TLL1: variants seen among roughly 807,000 people sequenced by gnomAD.
TLL1 encodes the protein tolloid-like protein 1.
A neutral mutation model predicts 128.2 loss-of-function variants in TLL1; 49 were observed. The observed-to-expected ratio is 0.38, with a 90% CI of 0.30 to 0.48. The LOEUF (loss-of-function observed/expected upper bound fraction) is 0.48. Ranked by LOEUF, TLL1 falls within the 20% of genes least tolerant of loss-of-function variation. The probability of loss-of-function intolerance (pLI) is 0.96; values close to 1 mark genes in which losing one functional copy is unlikely to be tolerated. For synonymous variants in TLL1, 454 were observed against 418.8 expected (o/e 1.08, Z -1.03); for missense variants, 1,123 against 1,242.0 (o/e 0.90, Z 1.44).
At chr4:166,084,360 C>T (rs1194944385) in intron 18 of TLL1, among the ~76,000 whole-genome samples, 1 of 152,084 alleles carries the variant, frequency 6.6e-6, no homozygotes, top group African/African-American at 2.4e-5. Context: ...TGATTGCTCC[C>T]TTTCCTGTAC....
chr4:166,041,502 T>C (rs2111092114), intron 10 of TLL1, among the ~76,000 whole-genome samples: 1 of 152,152 alleles, frequency 6.6e-6, no homozygotes, highest in Non-Finnish European at 1.5e-5. Context: ...GGTTTCACCA[T>C]ATTGTCCAAG....
intron 12 of TLL1, among the ~76,000 whole-genome samples, chr4:166,051,472 A>T (rs1739733219): frequency 1.3e-5 from 2 of 152,106 alleles, no homozygotes; most frequent in African/African-American, 4.8e-5. Context: ...TTTCAATCAT[A>T]TTTATTTCTA....
intron 1 of TLL1, among the ~76,000 whole-genome samples, chr4:165,930,838 T>C (rs567550920): frequency 6.6e-6 from 1 of 152,328 alleles, no homozygotes; most frequent in African/African-American, 2.4e-5. Context: ...GAAACACTTC[T>C]TGTAATTTAT....
At chr4:165,898,354 T>C (rs1731787108) in intron 1 of TLL1, among the ~76,000 whole-genome samples, 1 of 152,250 alleles carries the variant, frequency 6.6e-6, no homozygotes, top group Admixed American at 6.5e-5. Flanking sequence ...CAGTATGATA[T>C]TGGCTGTGGG....
At chr4:165,906,822 C>A (rs536868002) in intron 1 of TLL1, among the ~76,000 whole-genome samples, 1 of 142,556 alleles carries the variant, frequency 7.0e-6, no homozygotes, top group African/African-American at 2.6e-5. Flanking sequence ...CAGCTTATTT[C>A]TCCAGTTTTT....
chr4:165,939,433 C>CTGATATCT (rs908076269), intron 1 of TLL1, among the ~76,000 whole-genome samples: 1 of 152,052 alleles, frequency 6.6e-6, no homozygotes, highest in African/African-American at 2.4e-5. Flanking sequence ...TGCATTTCCT[C>CTGATATCT]TGATATCTGT....
intron 2 of TLL1, among the ~76,000 whole-genome samples, chr4:165,991,142 G>A (rs72974310): frequency 0.058 from 8,828 of 151,818 alleles, 788 homozygotes; most frequent in African/African-American, 0.19. Flanking sequence ...TGAAGGCATT[G>A]ATTTTCTGTG....
At chr4:165,914,205 T>A (rs1455478545) in intron 1 of TLL1, among the ~76,000 whole-genome samples, 1 of 152,158 alleles carries the variant, frequency 6.6e-6, no homozygotes, top group African/African-American at 2.4e-5. Context: ...TCTATTAGCG[T>A]GTGAAAAATA....
intron 1 of TLL1, among the ~76,000 whole-genome samples, chr4:165,969,448 T>C (rs914064144): frequency 6.6e-6 from 1 of 152,050 alleles, no homozygotes; most frequent in Admixed American, 6.6e-5. Flanking sequence ...GGAGGTGGAG[T>C]GCATAACATT....
chr4:165,956,671 T>C (rs1434933325), intron 1 of TLL1, among the ~76,000 whole-genome samples: 4 of 152,202 alleles, frequency 2.6e-5, no homozygotes, highest in South Asian at 4.1e-4. Flanking sequence ...ACAATCAATT[T>C]GTACAGTTAA....
intron 12 of TLL1, among the ~76,000 whole-genome samples, chr4:166,048,945 T>C (rs1285020254): frequency 6.6e-6 from 1 of 152,218 alleles, no homozygotes; most frequent in Non-Finnish European, 1.5e-5. Flanking sequence ...ACTTGGTAGA[T>C]TGCTTGTCTA....
At chr4:166,058,967 C>G (rs1440526172) in intron 14 of TLL1, among the ~76,000 whole-genome samples, 1 of 152,114 alleles carries the variant, frequency 6.6e-6, no homozygotes, top group Non-Finnish European at 1.5e-5. Context: ...CCAGAAGTCT[C>G]TATCCCACCT....
At position 165,970,872 on chromosome 4, in the gene TLL1, C is replaced by T. The variant is rs555152868; in HGVS notation, c.170-18509C>T. Among the ~76,000 whole-genome samples the T allele has an allele frequency of 8.5e-5, 13 of 152,186 alleles. No homozygotes were observed. In the South Asian group the frequency reaches 1.0e-3, roughly 12 times the overall value. ...AAATTGAGTCTTGTCCCAGGTTTGA[C>T]GCATAGTCTGTCCACTATGTCTGTG... On this transcript the variant is annotated intron_variant, in intron 1 of 20. Coordinates refer to ENST00000061240, the MANE Select transcript of TLL1 (RefSeq NM_012464.5).
chr4:165,920,047 C>A, intron 1 of TLL1: 1 of 224,352 alleles, frequency 4.5e-6, no homozygotes, highest in Non-Finnish European at 9.3e-6. Flanking sequence ...CAGCATCATA[C>A]CCCAAAATAC....
intron 1 of TLL1, among the ~76,000 whole-genome samples, chr4:165,923,452 A>T (rs375096825): frequency 3.6e-4 from 18 of 49,916 alleles, no homozygotes; most frequent in Admixed American, 1.6e-3. Flanking sequence ...TTTTTGAGAC[A>T]GAGTCTTGCT....
intron 1 of TLL1, among the ~76,000 whole-genome samples, chr4:165,983,226 T>G (rs1465811336): frequency 6.6e-6 from 1 of 151,888 alleles, no homozygotes; most frequent in Non-Finnish European, 1.5e-5. Flanking sequence ...AAAAATGTCC[T>G]GAGAAATCCT....
chr4:165,998,450 G>C (rs113116923), intron 5 of TLL1, among the ~76,000 whole-genome samples: 3,250 of 152,060 alleles, frequency 0.021, 122 homozygotes, highest in African/African-American at 0.074. Context: ...TAAATTTTAT[G>C]ATTAAATGGT....
intron 18 of TLL1, among the ~76,000 whole-genome samples, chr4:166,083,993 C>T (rs1181885275): frequency 2.6e-5 from 4 of 152,156 alleles, no homozygotes; most frequent in African/African-American, 7.2e-5. Context: ...TACTAATTTA[C>T]ATTCCCAACA....
chr4:166,004,767 T>G (rs1386059380), intron 6 of TLL1, among the ~76,000 whole-genome samples: 3 of 152,140 alleles, frequency 2.0e-5, no homozygotes, highest in Admixed American at 2.0e-4. Flanking sequence ...GGGAGATTAG[T>G]TGGTATCTTA....
Sources: allele counts gnomAD v4.1 joint callset (sites outside exome capture counted in the v4.1 genomes callset), GRCh38; gene constraint gnomAD v4.1.1; transcripts MANE v1.5; gene names NCBI Gene and HGNC (gene_info 2026-07-23, HGNC 2026-07-21).